The following NRG3 variants were observed in gnomAD, a reference collection of about 807,000 sequenced individuals.
NRG3 encodes neuregulin 3.
In NRG3, 31 loss-of-function variants were observed where a neutral mutation model predicts 66.9. That is an observed-to-expected ratio of 0.46 (90% confidence interval 0.35 to 0.63). NRG3 has a LOEUF of 0.63. Ranked by LOEUF, NRG3 falls within the 20% of genes least tolerant of loss-of-function variation. The pLI is 0.00. For missense variants in NRG3, 910 were observed against 878.9 expected, an observed-to-expected ratio of 1.04 and a Z score of -0.45; for synonymous variants, 393 against 359.4, an observed-to-expected ratio of 1.09 and a Z score of -1.06.
intron 4 of NRG3, among the ~76,000 whole-genome samples, chr10:82,906,177 C>G (rs148216902): frequency 2.0e-5 from 3 of 152,280 alleles, no homozygotes; most frequent in Non-Finnish European, 4.4e-5. Context: ...ACTATTCCCT[C>G]AAGTAGTCTC....
At chr10:82,710,430 A>T (rs2056587556) in intron 2 of NRG3, among the ~76,000 whole-genome samples, 1 of 151,972 alleles carries the variant, frequency 6.6e-6, no homozygotes, top group Non-Finnish European at 1.5e-5. Context: ...TACCAAAATT[A>T]CAAAAATTAG....
intron 2 of NRG3, among the ~76,000 whole-genome samples, chr10:82,388,242 A>T (rs2086134188): frequency 6.6e-6 from 1 of 152,206 alleles, no homozygotes; most frequent in African/African-American, 2.4e-5. Flanking sequence ...AAAAGGGAAT[A>T]AGAAAGTTTT....
Position 82,697,410 on chromosome 10 carries a change from T to G in NRG3, c.954-41167T>G, listed in dbSNP as rs200433659. 2.0e-5 allele frequency among the ~76,000 whole-genome samples: 3 copies of G among 152,186 alleles called. No homozygotes were observed. The South Asian group carries it at 6.2e-4, about 32-fold the overall frequency. On this transcript the variant is annotated intron_variant, in intron 2 of 8. Coordinates refer to ENST00000372141, the MANE Select transcript of NRG3 (RefSeq NM_001010848.4). ...ATATTCCCAAGGTGATCTCTGGATT[T>G]TGTCCAGAAGACTCAGGCAGCTAGC...
chr10:82,148,359 A>G (rs768466182), intron 1 of NRG3, among the ~76,000 whole-genome samples: 2 of 152,066 alleles, frequency 1.3e-5, no homozygotes, highest in Non-Finnish European at 2.9e-5. Flanking sequence ...TAATAATAAA[A>G]TATCACTCAT....
intron 2 of NRG3, among the ~76,000 whole-genome samples, chr10:82,573,463 T>C (rs1377830758): frequency 6.6e-6 from 1 of 151,884 alleles, no homozygotes; most frequent in African/African-American, 2.4e-5. Flanking sequence ...AATTTACTTA[T>C]AAAATACCAT....
At chr10:82,287,549 G>A (rs868158113) in intron 1 of NRG3, among the ~76,000 whole-genome samples, 6 of 151,976 alleles carry the variant, frequency 3.9e-5, no homozygotes, top group East Asian at 2.0e-4. Context: ...TTTGGTAGGA[G>A]TATGGGTCAG....
intron 1 of NRG3, among the ~76,000 whole-genome samples, chr10:82,036,735 C>G (rs1008219132): frequency 6.6e-6 from 1 of 151,934 alleles, no homozygotes; most frequent in African/African-American, 2.4e-5. Flanking sequence ...AACTCTATAC[C>G]CATTGAATAG....
intron 3 of NRG3, among the ~76,000 whole-genome samples, chr10:82,857,920 T>C: frequency 6.6e-6 from 1 of 152,152 alleles, no homozygotes; most frequent in East Asian, 1.9e-4. Flanking sequence ...AGTGATAATA[T>C]CCCTTTCTTT....
intron 1 of NRG3, chr10:81,878,197 G>A: frequency 1.1e-6 from 1 of 950,178 alleles, no homozygotes. Flanking sequence ...TCAGCCCCAA[G>A]GAAAAGAGGG....
At chr10:82,616,598 G>A (rs1363106684) in intron 2 of NRG3, among the ~76,000 whole-genome samples, 7 of 152,058 alleles carry the variant, frequency 4.6e-5, no homozygotes, top group Admixed American at 6.6e-5. Flanking sequence ...CACATCTTAC[G>A]TGATCATATT....
intron 4 of NRG3, among the ~76,000 whole-genome samples, chr10:82,866,053 G>T (rs1379309658): frequency 6.6e-6 from 1 of 152,100 alleles, no homozygotes. Context: ...ACAGATAACT[G>T]CATTCAAAAT....
intron 1 of NRG3, among the ~76,000 whole-genome samples, chr10:82,255,320 A>C (rs2077666364): frequency 1.3e-5 from 2 of 152,324 alleles, no homozygotes; most frequent in African/African-American, 4.8e-5. Context: ...AGGAAACATG[A>C]CAATGGAATA....
chr10:81,962,188 C>T (rs888330744), intron 1 of NRG3, among the ~76,000 whole-genome samples: 11 of 152,202 alleles, frequency 7.2e-5, no homozygotes, highest in Non-Finnish European at 1.6e-4. Context: ...TGTATGGCTT[C>T]AGCCATGTTA....
Position 82,391,744 on chromosome 10 carries a change from A to T in NRG3, c.953+32876A>T, listed in dbSNP as rs531944046. On this transcript the variant is annotated intron_variant, in intron 2 of 8. Transcript: ENST00000372141. Reference sequence around the variant, plus strand: ...TTTAAAGACTTATATGTGTGGAAGAAATAAGCTTTTGTGTGTTTTTTAGTC... The same window carrying T: ...TTTAAAGACTTATATGTGTGGAAGATATAAGCTTTTGTGTGTTTTTTAGTC... Among the ~76,000 whole-genome samples the T allele has an allele frequency of 3.6e-4, 55 of 152,236 alleles. 1 individual carries two copies. In the East Asian group the frequency reaches 0.01, roughly 28 times the overall value.
intron 4 of NRG3, among the ~76,000 whole-genome samples, chr10:82,950,561 G>A (rs1054983101): frequency 1.3e-5 from 2 of 152,158 alleles, no homozygotes; most frequent in Non-Finnish European, 2.9e-5. Context: ...TTGGATTTGT[G>A]TCCATTTATT....
chr10:82,580,104 G>A (rs745407205), intron 2 of NRG3, among the ~76,000 whole-genome samples: 11 of 151,800 alleles, frequency 7.2e-5, no homozygotes, highest in Admixed American at 2.0e-4. Flanking sequence ...CAATATAAAT[G>A]CTAGCTGAAT....
chr10:82,589,392 C>T (rs531147743), intron 2 of NRG3, among the ~76,000 whole-genome samples: 1 of 152,214 alleles, frequency 6.6e-6, no homozygotes, highest in African/African-American at 2.4e-5. Context: ...TCTCCAGCTG[C>T]ATTTTCAACC....
In NRG3 at chr10:82,959,006, C is replaced by T. The variant is rs746730905; in HGVS notation, c.1215C>T (p.Tyr405=). 1 of 1,607,714 alleles carries T rather than the reference C, an allele frequency of 6.2e-7. No individual in the cohort carries two copies. Among genetic ancestry groups the T allele is most frequent in the Non-Finnish European group, 8.5e-7 (1 of 1,178,304 alleles). Residue 405 remains tyrosine, a synonymous_variant, in exon 6 of 9, where the codon TAC becomes TAT. Transcript: ENST00000372141. Reference sequence around the variant, plus strand: ...AAGTGCCACAAAATGGTAAAAGCTACAGTCTCAAAGCATCCAGCACAATGG... The same window carrying T: ...AAGTGCCACAAAATGGTAAAAGCTATAGTCTCAAAGCATCCAGCACAATGG... The part of the protein sequence containing the change: ...QLKVPQNGKS[Y]SLKASSTMAK...
At chr10:82,766,803 A>T (rs150962472) in intron 3 of NRG3, among the ~76,000 whole-genome samples, 1 of 151,848 alleles carries the variant, frequency 6.6e-6, no homozygotes, top group Non-Finnish European at 1.5e-5. Flanking sequence ...TTAAATGAAG[A>T]TATTAGCATC....
Sources: gnomAD v4.1 joint callset for allele counts (sites outside exome capture counted in the v4.1 genomes callset) on GRCh38, gnomAD v4.1.1 for gene constraint, MANE v1.5 for transcripts, NCBI Gene and HGNC (gene_info 2026-07-23, HGNC 2026-07-21) for gene names.